BORCS5: variants seen among roughly 807,000 people sequenced by gnomAD.
The protein encoded by BORCS5 is BLOC-1-related complex subunit 5.
BORCS5 carries 17 observed loss-of-function variants against 22.1 expected under a neutral mutation model. The ratio of observed to expected loss-of-function variants is 0.77; its 90% CI spans 0.53 to 1.15. The LOEUF (loss-of-function observed/expected upper bound fraction) is 1.15, where lower values mean the gene tolerates loss of function less well. Among genes scored for constraint, BORCS5 ranks in the 50% most tolerant of loss-of-function variants. The probability of loss-of-function intolerance (pLI) is 0.00; values close to 1 mark genes in which losing one functional copy is unlikely to be tolerated. For missense variants in BORCS5, 247 were observed against 253.2 expected, an observed-to-expected ratio of 0.98 and a Z score of 0.17; for synonymous variants, 117 against 99.8, an observed-to-expected ratio of 1.17 and a Z score of -1.03.
chr12:12,437,540 A>G (rs4763829), intron 3 of BORCS5, among the ~76,000 whole-genome samples: 92,947 of 152,024 alleles, frequency 0.61, 29,636 homozygotes, highest in African/African-American at 0.79. Flanking sequence ...CTAGTCCCAT[A>G]TAAAGAGGTC....
intron 2 of BORCS5, among the ~76,000 whole-genome samples, chr12:12,423,710 A>C (rs1445272330): frequency 1.0e-5 from 1 of 97,728 alleles, no homozygotes; most frequent in Non-Finnish European, 2.2e-5. Flanking sequence ...GTTTTTTGAG[A>C]CAGAGTCTCA....
At chr12:12,430,299 T>C (rs113290436) in intron 2 of BORCS5, among the ~76,000 whole-genome samples, 3,353 of 151,910 alleles carry the variant, frequency 0.022, 112 homozygotes, top group African/African-American at 0.075. Flanking sequence ...TACAGGCGCC[T>C]GCCACCACGC....
chr12:12,365,501 G>A (rs1209727663), intron 2 of BORCS5, among the ~76,000 whole-genome samples: 1 of 151,958 alleles, frequency 6.6e-6, no homozygotes. Flanking sequence ...AAATACTATA[G>A]AAAATAGTTT....
At chr12:12,432,573 A>T (rs1942456797) in intron 2 of BORCS5, among the ~76,000 whole-genome samples, 1 of 152,224 alleles carries the variant, frequency 6.6e-6, no homozygotes, top group South Asian at 2.1e-4. Flanking sequence ...CCTGTACATG[A>T]CTGCTCACAG....
chr12:12,369,686 G>A (rs1863479670), intron 2 of BORCS5, among the ~76,000 whole-genome samples: 1 of 134,716 alleles, frequency 7.4e-6, no homozygotes, highest in African/African-American at 2.9e-5. Context: ...AACTTTCAAT[G>A]GTGTGGTTTC....
At chr12:12,414,063 A>C (rs1390573981) in intron 2 of BORCS5, among the ~76,000 whole-genome samples, 1 of 58,516 alleles carries the variant, frequency 1.7e-5, no homozygotes, top group African/African-American at 9.3e-5. Context: ...CGGGGGGCTG[A>C]TCCCCCCACA....
rs1473538682 is a variant in BORCS5 at position 12,465,777 on chromosome 12, C to T, written c.*1C>T. On this transcript the variant is annotated 3_prime_UTR_variant, in exon 4 of 4. Coordinates refer to ENST00000314565, the MANE Select transcript of BORCS5 (RefSeq NM_058169.6). ...GCCCGACCGCGAGCTCAGGCTGTAG[C>T]TGCTGCCCGGCCTGCCTGGGGCTGG... The T allele has an allele frequency of 3.1e-6, 5 of 1,610,368 alleles. No individual in the cohort carries two copies. Among genetic ancestry groups the T allele is most frequent in the Non-Finnish European group, 2.5e-6 (3 of 1,178,788 alleles).
chr12:12,362,538 T>C (rs2136015908), intron 2 of BORCS5, among the ~76,000 whole-genome samples: 1 of 151,930 alleles, frequency 6.6e-6, no homozygotes, highest in South Asian at 2.1e-4. Context: ...ACATTAGGTA[T>C]ATCTCCTAAT....
intron 2 of BORCS5, among the ~76,000 whole-genome samples, chr12:12,392,887 T>C (rs549914908): frequency 6.6e-6 from 1 of 152,088 alleles, no homozygotes; most frequent in South Asian, 2.1e-4. Context: ...ATATTCTGAG[T>C]CGTCTCTTCT....
At chr12:12,444,821 T>G (rs920466014) in intron 3 of BORCS5, among the ~76,000 whole-genome samples, 2 of 131,754 alleles carry the variant, frequency 1.5e-5, no homozygotes, top group African/African-American at 5.0e-5. Flanking sequence ...TTAAATATTC[T>G]GTTTGTTTAT....
At chr12:12,453,445 TTTAC>T (rs1356429311) in intron 3 of BORCS5, among the ~76,000 whole-genome samples, 1 of 152,190 alleles carries the variant, frequency 6.6e-6, no homozygotes, top group East Asian at 1.9e-4. Context: ...TTAAAAATGT[TTTAC>T]TTAGCCTCAA....
chr12:12,357,655 T>C, intron 1 of BORCS5, 146 bp downstream of exon 1: 1 of 815,590 alleles, frequency 1.2e-6, no homozygotes, highest in Non-Finnish European at 1.8e-6. Context: ...AAAGTCACCA[T>C]CTGTCCTGGC....
chr12:12,434,394 C>T (rs1209373457), intron 2 of BORCS5, among the ~76,000 whole-genome samples: 1 of 151,342 alleles, frequency 6.6e-6, no homozygotes, highest in Non-Finnish European at 1.5e-5. Context: ...ACAGAATGGT[C>T]TGGCATGTGG....
At chr12:12,360,424 G>A (rs1252272447) in intron 1 of BORCS5, among the ~76,000 whole-genome samples, 1 of 151,986 alleles carries the variant, frequency 6.6e-6, no homozygotes, top group African/African-American at 2.4e-5. Context: ...TGTTTTTTGA[G>A]ACTCTTGCTG....
At position 12,370,661 on chromosome 12, in the gene BORCS5, T is replaced by C. The variant is rs545111866; in HGVS notation, c.202+9312T>C. On this transcript the variant is annotated intron_variant, in intron 2 of 3. Transcript: ENST00000314565. ...TCAGCTCCTATTTTATCCAATGAGT[T>C]GTATGTAATCTGTTATTATCATTAT... is the stretch of plus-strand genomic sequence containing the variant. Among the ~76,000 whole-genome samples, 4 of 152,362 alleles carry C rather than the reference T, an allele frequency of 2.6e-5. No individual in the cohort carries two copies. The South Asian group carries it at 6.2e-4, about 24-fold the overall frequency.
intron 3 of BORCS5, among the ~76,000 whole-genome samples, chr12:12,441,740 A>C (rs879445): frequency 0.55 from 83,198 of 151,290 alleles, 23,201 homozygotes; most frequent in Non-Finnish European, 0.58. Context: ...TTTTAAGCCC[A>C]CTGTGGTTTC....
intron 2 of BORCS5, among the ~76,000 whole-genome samples, chr12:12,427,144 A>G (rs1215847099): frequency 2.0e-5 from 3 of 150,744 alleles, no homozygotes; most frequent in Non-Finnish European, 4.4e-5. Context: ...CAAGTTGGGA[A>G]GATGGTTTTA....
chr12:12,395,318 G>A (rs1275983014), intron 2 of BORCS5, among the ~76,000 whole-genome samples: 1 of 151,816 alleles, frequency 6.6e-6, no homozygotes, highest in Non-Finnish European at 1.5e-5. Flanking sequence ...CACCCAGGCT[G>A]GAGTGCAGTG....
rs1202297445 is a variant in BORCS5 at position 12,357,115 on chromosome 12, A to C, written c.-337A>C. ...GAAGGAGCGAGCTTGCGGAGCGTGAACCAGTGAGTGAAAGCGGCGCCGCCC... is the reference window on the plus strand; with the variant it reads ...GAAGGAGCGAGCTTGCGGAGCGTGACCCAGTGAGTGAAAGCGGCGCCGCCC... On this transcript the variant is annotated 5_prime_UTR_variant, in exon 1 of 4. Coordinates refer to ENST00000314565, the MANE Select transcript of BORCS5 (RefSeq NM_058169.6). 8 of 1,534,330 alleles carry C rather than the reference A, an allele frequency of 5.2e-6. No individual in the cohort carries two copies. The highest frequency in any genetic ancestry group is 5.2e-6 in the Non-Finnish European group (6 of 1,146,130).
Sources: gnomAD v4.1 joint callset for allele counts (sites outside exome capture counted in the v4.1 genomes callset) on GRCh38, gnomAD v4.1.1 for gene constraint, MANE v1.5 for transcripts, NCBI Gene and HGNC (gene_info 2026-07-23, HGNC 2026-07-21) for gene names.